SLC25A12: variants seen among roughly 807,000 people sequenced by gnomAD.
SLC25A12 encodes solute carrier family 25 member 12.
A neutral mutation model predicts 83.3 loss-of-function variants in SLC25A12; 32 were observed. The ratio of observed to expected loss-of-function variants is 0.38; its 90% confidence interval spans 0.29 to 0.52. The LOEUF (loss-of-function observed/expected upper bound fraction) is 0.52. SLC25A12 is among the 20% of genes least tolerant of loss of function. The pLI is 0.84. For synonymous variants in SLC25A12, 267 were observed against 291.1 expected (o/e 0.92, Z 0.84); for missense variants, 611 against 835.6 (o/e 0.73, Z 3.31).
At chr2:171,828,916 C>G (rs1462487779) in intron 8 of SLC25A12, among the ~76,000 whole-genome samples, 1 of 152,250 alleles carries the variant, frequency 6.6e-6, no homozygotes, top group Non-Finnish European at 1.5e-5. Flanking sequence ...TCAGAGACAT[C>G]TGACAGACTA....
intron 2 of SLC25A12, among the ~76,000 whole-genome samples, chr2:171,879,775 A>C (rs554437635): frequency 1.3e-5 from 2 of 152,338 alleles, no homozygotes; most frequent in Middle Eastern, 6.8e-3. Context: ...GAATGCCTTA[A>C]TGTTGATAAG....
At chr2:171,834,994 T>C in intron 6 of SLC25A12, 129 bp from the exon 7 acceptor site, 1 of 948,216 alleles carries the variant, frequency 1.1e-6, no homozygotes, top group South Asian at 1.4e-5. Flanking sequence ...AACCAGTACA[T>C]AAATACAAGG....
At chr2:171,819,262 T>C (rs967912272) in intron 9 of SLC25A12, among the ~76,000 whole-genome samples, 16 of 127,462 alleles carry the variant, frequency 1.3e-4, no homozygotes, top group Non-Finnish European at 2.6e-4. Flanking sequence ...ATATAATGTA[T>C]ACATTATATA....
chr2:171,807,711 G>C (rs1185598701), intron 13 of SLC25A12, among the ~76,000 whole-genome samples: 1 of 152,194 alleles, frequency 6.6e-6, no homozygotes, highest in East Asian at 1.9e-4. Context: ...TTGGAATAAA[G>C]GAAGAAGAGA....
chr2:171,824,683 A>T (rs1234460290), intron 9 of SLC25A12, among the ~76,000 whole-genome samples: 3 of 142,414 alleles, frequency 2.1e-5, no homozygotes, highest in Non-Finnish European at 4.7e-5. Flanking sequence ...TTTATTAAAA[A>T]TTTTTCACAT....
chr2:171,821,740 C>T (rs910200399), intron 9 of SLC25A12, among the ~76,000 whole-genome samples: 1 of 152,098 alleles, frequency 6.6e-6, no homozygotes, highest in Non-Finnish European at 1.5e-5. Context: ...GATACAGATC[C>T]TCTATTATTT....
chr2:171,812,845 T>C (rs918588284), intron 11 of SLC25A12, among the ~76,000 whole-genome samples: 4 of 150,934 alleles, frequency 2.7e-5, no homozygotes, highest in Non-Finnish European at 5.9e-5. Context: ...TTGGAAAAAA[T>C]TTATAAATGG....
At chr2:171,812,258 A>T (rs1189324443) in intron 11 of SLC25A12, among the ~76,000 whole-genome samples, 1 of 152,158 alleles carries the variant, frequency 6.6e-6, no homozygotes, top group African/African-American at 2.4e-5. Context: ...TATCGGAGTT[A>T]TATTTTTTGC....
intron 13 of SLC25A12, among the ~76,000 whole-genome samples, chr2:171,807,474 G>A (rs111971237): frequency 8.5e-5 from 13 of 152,182 alleles, no homozygotes; most frequent in African/African-American, 3.1e-4. Flanking sequence ...CATGGAAACA[G>A]GTCAGCTTCA....
chr2:171,891,746 T>C (rs1685944094), intron 2 of SLC25A12, among the ~76,000 whole-genome samples: 1 of 152,216 alleles, frequency 6.6e-6, no homozygotes, highest in African/African-American at 2.4e-5. Flanking sequence ...TACCGATATA[T>C]TTTTGGCTAT....
chr2:171,892,664 A>G (rs898367697), intron 2 of SLC25A12, among the ~76,000 whole-genome samples: 3 of 152,018 alleles, frequency 2.0e-5, no homozygotes, highest in African/African-American at 7.2e-5. Flanking sequence ...CACTGATTCT[A>G]AAAGCTTAGA....
intron 3 of SLC25A12, among the ~76,000 whole-genome samples, chr2:171,861,735 T>C (rs10196521): frequency 0.82 from 123,991 of 152,098 alleles, 51,689 homozygotes; most frequent in Middle Eastern, 0.91. Flanking sequence ...CTCCTTTTCC[T>C]TTTATCCTGC....
In SLC25A12 at chr2:171,869,702, C is replaced by G. The variant is rs146097443; in HGVS notation, c.67-879G>C. Reference sequence around the variant, plus strand: ...CTATGGGATGACCAAACATGAACAACCAAAGCCCTTCTCCTTGAGTTGCAT... The same window carrying G: ...CTATGGGATGACCAAACATGAACAAGCAAAGCCCTTCTCCTTGAGTTGCAT... On this transcript the variant is annotated intron_variant, in intron 2 of 17. Coordinates refer to ENST00000422440, the MANE Select transcript of SLC25A12 (RefSeq NM_003705.5). Among the ~76,000 whole-genome samples the G allele has an allele frequency of 3.2e-4, 48 of 152,224 alleles. 1 individual carries two copies. In the East Asian group the frequency reaches 6.7e-3, roughly 21 times the overall value.
chr2:171,868,448 G>A (rs1326114717), intron 3 of SLC25A12, among the ~76,000 whole-genome samples: 1 of 151,568 alleles, frequency 6.6e-6, no homozygotes, highest in Non-Finnish European at 1.5e-5. Context: ...CGAGTAGCTG[G>A]GGATTACAGG....
chr2:171,889,457 A>G (rs1558947348), intron 2 of SLC25A12, among the ~76,000 whole-genome samples: 2 of 152,122 alleles, frequency 1.3e-5, no homozygotes, highest in Admixed American at 6.5e-5. Context: ...GTATTACTTC[A>G]GTAGCCTCTC....
At chr2:171,885,030 G>A (rs556393746) in intron 2 of SLC25A12, among the ~76,000 whole-genome samples, 3 of 151,976 alleles carry the variant, frequency 2.0e-5, no homozygotes, top group Admixed American at 6.6e-5. Context: ...TGGCTAACAC[G>A]GTGAAACCCT....
intron 6 of SLC25A12, among the ~76,000 whole-genome samples, chr2:171,836,183 C>T (rs1347861991): frequency 2.2e-5 from 3 of 138,212 alleles, no homozygotes; most frequent in African/African-American, 4.9e-5. Flanking sequence ...GGAGGTGAAA[C>T]GTGTAGGAGA....
intron 9 of SLC25A12, among the ~76,000 whole-genome samples, chr2:171,816,789 A>G (rs1477252333): frequency 6.6e-6 from 1 of 152,232 alleles, no homozygotes; most frequent in Admixed American, 6.5e-5. Flanking sequence ...AAACATATAC[A>G]CAATCTGTCC....
rs1573996515 is a variant in SLC25A12, at chr2:171,868,591, G to C, written c.209+90C>G. 3 of 1,316,822 alleles carry C rather than the reference G, an allele frequency of 2.3e-6. No homozygotes were observed. In the East Asian group the frequency reaches 7.0e-5, roughly 31 times the overall value. 81.6% of individuals were successfully genotyped at this position (1,316,822 alleles called of 1,614,324 possible). Reference sequence around the variant, plus strand: ...AGCCTTCCAAAGCGCTGGGATTACAGGCATGAGCCACTGTGCCCAGCTGGT... The same window carrying C: ...AGCCTTCCAAAGCGCTGGGATTACACGCATGAGCCACTGTGCCCAGCTGGT... On this transcript the variant is annotated intron_variant, in intron 3 of 17. Transcript: ENST00000422440.
Sources: gnomAD v4.1 joint callset for allele counts (sites outside exome capture counted in the v4.1 genomes callset) on GRCh38, gnomAD v4.1.1 for gene constraint, MANE v1.5 for transcripts, NCBI Gene and HGNC (gene_info 2026-07-23, HGNC 2026-07-21) for gene names.